Variants in NBEA observed in about 807,000 individuals in gnomAD.
NBEA encodes lysosomal-trafficking regulator 2.
In NBEA, 44 loss-of-function variants were observed where a neutral mutation model predicts 343.4. The observed-to-expected ratio is 0.13, with a 90% CI of 0.10 to 0.16. The LOEUF is 0.16. Ranked by LOEUF, NBEA falls within the 10% of genes least tolerant of loss-of-function variation. The probability of loss-of-function intolerance (pLI) is 1.00; values close to 1 mark genes in which losing one functional copy is unlikely to be tolerated. For synonymous variants in NBEA, 1,175 were observed against 1,238.7 expected (o/e 0.95, Z 1.08); for missense variants, 2,555 against 3,631.3 (o/e 0.70, Z 7.62).
At chr13:35,119,527 G>C (rs1164066598) in intron 16 of NBEA, among the ~76,000 whole-genome samples, 1 of 151,998 alleles carries the variant, frequency 6.6e-6, no homozygotes, top group Non-Finnish European at 1.5e-5. Context: ...TAATTCATAG[G>C]GCTGCCAATC....
chr13:35,423,941 G>A (rs541103690), intron 38 of NBEA, among the ~76,000 whole-genome samples: 3 of 152,122 alleles, frequency 2.0e-5, no homozygotes, highest in South Asian at 4.1e-4. Context: ...TCATGATTTG[G>A]CTCTCTGTTT....
At chr13:35,098,722 C>T (rs1281578098) in intron 11 of NBEA, among the ~76,000 whole-genome samples, 1 of 152,060 alleles carries the variant, frequency 6.6e-6, no homozygotes, top group Non-Finnish European at 1.5e-5. Flanking sequence ...GTGTCACTTA[C>T]CCATGGTCAA....
chr13:35,073,390 A>T (rs912722927), intron 10 of NBEA, among the ~76,000 whole-genome samples: 1 of 152,200 alleles, frequency 6.6e-6, no homozygotes, highest in African/African-American at 2.4e-5. Context: ...TGCATGGTAA[A>T]TAGATGACTG....
rs1007869168 is a variant in NBEA, at chr13:35,539,682, T to C, written c.6586-10795T>C. 1.0e-3 allele frequency among the ~76,000 whole-genome samples: 151 copies of C among 151,376 alleles called. 1 individual carries two copies. Among genetic ancestry groups the C allele is most frequent in the African/African-American group, 3.4e-3 (142 of 41,278 alleles). ...CTGTAATACCAGCACTTTGGGAGGCTGAGGCGGGCGGATCACGAGGTCAGG... is the reference window on the plus strand; with the variant it reads ...CTGTAATACCAGCACTTTGGGAGGCCGAGGCGGGCGGATCACGAGGTCAGG... On this transcript the variant is annotated intron_variant, in intron 41 of 58. Transcript: ENST00000379939.
intron 30 of NBEA, among the ~76,000 whole-genome samples, chr13:35,192,189 C>T (rs1267097320): frequency 1.3e-5 from 2 of 151,988 alleles, no homozygotes; most frequent in African/African-American, 4.8e-5. Flanking sequence ...AGTTTTTCTG[C>T]AGTTCATGCC....
intron 1 of NBEA, among the ~76,000 whole-genome samples, chr13:35,034,877 T>C (rs2062381365): frequency 6.6e-6 from 1 of 151,946 alleles, no homozygotes; most frequent in Non-Finnish European, 1.5e-5. Flanking sequence ...AGTTGTAATG[T>C]CTCCTTTTTT....
At chr13:35,104,533 C>T (rs1004003911) in intron 11 of NBEA, among the ~76,000 whole-genome samples, 1 of 151,946 alleles carries the variant, frequency 6.6e-6, no homozygotes, top group Non-Finnish European at 1.5e-5. Context: ...CAAAGAGTAA[C>T]TTTTTTACCT....
intron 41 of NBEA, among the ~76,000 whole-genome samples, chr13:35,518,054 A>G (rs1308260975): frequency 2.6e-5 from 4 of 152,092 alleles, no homozygotes; most frequent in Non-Finnish European, 5.9e-5. Context: ...ATACATTGCA[A>G]TTTATTATCA....
intron 47 of NBEA, among the ~76,000 whole-genome samples, chr13:35,600,084 G>A (rs2081980340): frequency 6.6e-6 from 1 of 152,090 alleles, no homozygotes; most frequent in South Asian, 2.1e-4. Flanking sequence ...CTGATTAGCA[G>A]CAATCATAAA....
chr13:35,098,456 C>A, intron 11 of NBEA, 51 bp downstream of exon 11: 3 of 1,293,172 alleles, frequency 2.3e-6, no homozygotes, highest in African/African-American at 1.5e-5. Flanking sequence ...AGTTGGACAG[C>A]TGTTAATCAC....
intron 35 of NBEA, among the ~76,000 whole-genome samples, chr13:35,293,163 G>A (rs1182772241): frequency 3.9e-5 from 6 of 151,906 alleles, no homozygotes; most frequent in Non-Finnish European, 5.9e-5. Flanking sequence ...CATATTACAA[G>A]TGTCTGAAGG....
At chr13:35,168,206 G>T (rs1241205627) in intron 24 of NBEA, among the ~76,000 whole-genome samples, 1 of 151,492 alleles carries the variant, frequency 6.6e-6, no homozygotes, top group Non-Finnish European at 1.5e-5. Flanking sequence ...AATGTACCAT[G>T]AAAATAGCAT....
At chr13:35,481,628 T>C (rs1019865524) in intron 41 of NBEA, among the ~76,000 whole-genome samples, 1 of 151,868 alleles carries the variant, frequency 6.6e-6, no homozygotes, top group African/African-American at 2.4e-5. Context: ...TCACAAACCC[T>C]TCAGAAAGTT....
At chr13:35,301,657 A>C (rs966473172) in intron 35 of NBEA, among the ~76,000 whole-genome samples, 1 of 152,060 alleles carries the variant, frequency 6.6e-6, no homozygotes, top group African/African-American at 2.4e-5. Context: ...ATACATGTGC[A>C]TGTGTTTTTA....
At chr13:35,621,034 C>T (rs1024520448) in intron 48 of NBEA, among the ~76,000 whole-genome samples, 3 of 152,092 alleles carry the variant, frequency 2.0e-5, no homozygotes, top group Admixed American at 1.3e-4. Flanking sequence ...TTCTAAGCAG[C>T]GGAAAAAGCC....
chr13:34,952,192 T>C (rs1166577920), intron 1 of NBEA, among the ~76,000 whole-genome samples: 2 of 152,002 alleles, frequency 1.3e-5, no homozygotes, highest in African/African-American at 4.8e-5. Flanking sequence ...TTAGAAATTA[T>C]CCCAAAAACA....
chr13:34,995,365 G>A (rs564755571), intron 1 of NBEA, among the ~76,000 whole-genome samples: 2 of 151,146 alleles, frequency 1.3e-5, no homozygotes, highest in South Asian at 4.2e-4. Context: ...GCTGAGGCAG[G>A]AGCTGAGATT....
intron 1 of NBEA, among the ~76,000 whole-genome samples, chr13:34,962,679 C>T (rs916255709): frequency 6.6e-6 from 1 of 151,986 alleles, no homozygotes; most frequent in African/African-American, 2.4e-5. Context: ...AAATAAACAA[C>T]TGCTTTTTGT....
chr13:34,951,831 G>A (rs2059359015), intron 1 of NBEA, among the ~76,000 whole-genome samples: 1 of 152,212 alleles, frequency 6.6e-6, no homozygotes, highest in Admixed American at 6.5e-5. Flanking sequence ...CCCTCTGGGA[G>A]TATTTGCTTA....
Sources: gnomAD v4.1 joint callset for allele counts (sites outside exome capture counted in the v4.1 genomes callset) on GRCh38, gnomAD v4.1.1 for gene constraint, MANE v1.5 for transcripts, NCBI Gene and HGNC (gene_info 2026-07-23, HGNC 2026-07-21) for gene names.